The following SPATA24 variants were observed in gnomAD, a reference collection of about 807,000 sequenced individuals.
The protein encoded by SPATA24 is spermatogenesis-associated protein 24.
A neutral mutation model predicts 28.9 loss-of-function variants in SPATA24; 21 were observed. That is an observed-to-expected ratio of 0.73 (90% CI 0.52 to 1.05). The LOEUF is 1.05. SPATA24 is among the 50% of genes least tolerant of loss of function. SPATA24 has a pLI of 0.00. For synonymous variants in SPATA24, 76 were observed against 89.9 expected (o/e 0.85, Z 0.88); for missense variants, 215 against 242.9 (o/e 0.88, Z 0.76).
Position 139,402,332 on chromosome 5 carries a change from A to G in SPATA24, c.184-287T>C, listed in dbSNP as rs568218222. Among the ~76,000 whole-genome samples, 4 of 151,582 alleles carry G rather than the reference A, an allele frequency of 2.6e-5. No individual in the cohort carries two copies. In the East Asian group the frequency reaches 7.8e-4, roughly 29 times the overall value. ...GGGTTCAAGCCAATTCTCCTGTCTC[A>G]GCCTCCCAAGTAGCTGGGATTACAG... On this transcript the variant is annotated intron_variant, in intron 2 of 5. Transcript: ENST00000450845.
chr5:139,396,506 G>A, downstream of SPATA24: 1 of 1,230,320 alleles, frequency 8.1e-7, no homozygotes, highest in African/African-American at 1.5e-5. Flanking sequence ...AGGGCTTCCG[G>A]CCCTGTAGTC....
At chr5:139,395,341 A>AG (rs2152077292), downstream of SPATA24, 1 of 388,724 alleles carries the variant, frequency 2.6e-6, no homozygotes, top group South Asian at 9.1e-5. Context: ...GCTGACAGGC[A>AG]GGTGAGGGAA....
At chr5:139,394,527 C>T (rs1317822055), downstream of SPATA24, 1 of 1,467,588 alleles carries the variant, frequency 6.8e-7, no homozygotes, top group African/African-American at 1.5e-5. Flanking sequence ...CACACTCGAA[C>T]TGCGCTGGGG....
chr5:139,395,145 T>TCCCCGCCCCGC, downstream of SPATA24: 1 of 1,348,910 alleles, frequency 7.4e-7, no homozygotes, highest in Non-Finnish European at 9.6e-7. Context: ...GCCGGCACTG[T>TCCCCGCCCCGC]CCCCGCCCCG....
At position 139,396,891 on chromosome 5, in the gene SPATA24, T is replaced by G; in HGVS notation, c.527A>C (p.Glu176Ala). 5.8e-6 allele frequency: 9 copies of G among 1,551,706 alleles called. No individual in the cohort carries two copies. Among genetic ancestry groups the G allele is most frequent in the Non-Finnish European group, 7.8e-6 (9 of 1,146,992 alleles). ...GTCCAGCACCTGGGCCATGTAGCTC[T>G]CCTGCTGCTTCTGGATCCGGAAGTC... is the stretch of plus-strand genomic sequence containing the variant. ...MSDFRIQKQQESYMAQVLDQK... is the reference protein window; with the variant it reads ...MSDFRIQKQQASYMAQVLDQK... The change falls in exon 6 of 6, where the codon GAG becomes GCG. Residue 176 changes from glutamate to alanine, a missense_variant. Glu to Ala is a moderately radical substitution (Grantham distance 107). Coordinates refer to ENST00000450845, the MANE Select transcript of SPATA24 (RefSeq NM_194296.2).
downstream of SPATA24, chr5:139,393,016 G>C (rs946487506): frequency 2.0e-6 from 3 of 1,522,678 alleles, no homozygotes; most frequent in Non-Finnish European, 2.6e-6. Context: ...CGGCACCACC[G>C]GTAGAAAATC....
chr5:139,397,742 AT>A (rs1758742902), intron 4 of SPATA24, among the ~76,000 whole-genome samples: 1 of 151,952 alleles, frequency 6.6e-6, no homozygotes, highest in South Asian at 2.1e-4. Flanking sequence ...TTTAGTAGAG[AT>A]GGGGTTTCAC....
chr5:139,393,045 G>A (rs1043497933), downstream of SPATA24: 1 of 1,533,216 alleles, frequency 6.5e-7, no homozygotes, highest in Non-Finnish European at 8.8e-7. Context: ...AAACGGAAGT[G>A]TAGTGAGCCG....
At chr5:139,392,769 G>T (rs1380788254), downstream of SPATA24, 2 of 1,440,098 alleles carry the variant, frequency 1.4e-6, no homozygotes, top group African/African-American at 1.5e-5. This position sits in a 1 kb window ranked among gnomAD's most constrained non-coding sequence, Gnocchi z 5.8. Context: ...GACCGTCGCC[G>T]TCGGGGACCA....
At position 139,399,023 on chromosome 5, in the gene SPATA24, CA is replaced by C. The variant is rs1207151100; in HGVS notation, c.386-1881del. ...TGGGTGACAGAGCGAGATTCCGCTT[CA>C]AAAAAAAAAAAGGCCAGGCGTGGTG... On this transcript the variant is annotated intron_variant, in intron 4 of 5. Transcript: ENST00000450845. 3.9e-3 allele frequency among the ~76,000 whole-genome samples: 164 copies of C among 41,896 alleles called. 1 individual carries two copies. Among genetic ancestry groups the C allele is most frequent in the Admixed American group, 4.0e-3 (14 of 3,526 alleles). The allele number at this position is 41,896 out of a possible 152,430, so 27.5% of individuals were successfully genotyped here.
downstream of SPATA24, chr5:139,394,921 G>T (rs1301155288): frequency 3.3e-6 from 5 of 1,519,174 alleles, no homozygotes; most frequent in African/African-American, 1.4e-5. Context: ...GGGCCAATTC[G>T]CTGGGCCTTT....
chr5:139,400,741 C>T (rs959434590), intron 4 of SPATA24, among the ~76,000 whole-genome samples: 2 of 152,212 alleles, frequency 1.3e-5, no homozygotes, highest in South Asian at 2.1e-4. Flanking sequence ...AAGTGGCCCC[C>T]AGGCATCTGC....
chr5:139,392,572 C>A (rs1467879220), downstream of SPATA24: 6 of 1,354,980 alleles, frequency 4.4e-6, no homozygotes, highest in East Asian at 1.8e-4. The surrounding 1 kb of genome is among the most constrained non-coding windows in gnomAD (Gnocchi z 5.8). Context: ...CAGGGGCTCC[C>A]GCGGGAGTGG....
At chr5:139,393,995 G>A (rs1168387679), downstream of SPATA24, 5 of 1,550,578 alleles carry the variant, frequency 3.2e-6, no homozygotes, top group South Asian at 1.2e-5. Context: ...GTTCGATCCG[G>A]CGCCTCTCGC....
intron 1 of SPATA24, 25 bp downstream of exon 1, chr5:139,403,919 T>G: frequency 6.5e-7 from 1 of 1,541,192 alleles, no homozygotes; most frequent in Non-Finnish European, 8.8e-7. Context: ...GCCCCGCCTC[T>G]CCCCAAACTC....
downstream of SPATA24, chr5:139,394,946 C>T (rs1490516623): frequency 1.3e-6 from 2 of 1,520,904 alleles, no homozygotes. Context: ...TCCGGCCCAA[C>T]GTCCGGGGGC....
chr5:139,399,187 G>T (rs1758772466), intron 4 of SPATA24, among the ~76,000 whole-genome samples: 1 of 151,716 alleles, frequency 6.6e-6, no homozygotes, highest in South Asian at 2.1e-4. Flanking sequence ...TGTGGTGGCG[G>T]GCACCTATAG....
At chr5:139,396,546 T>C (rs1159668240), downstream of SPATA24, 1 of 1,307,306 alleles carries the variant, frequency 7.6e-7, no homozygotes, top group Non-Finnish European at 9.8e-7. Flanking sequence ...ACCAGGACAC[T>C]GGGAGTGGGG....
In SPATA24 at chr5:139,401,825, C is replaced by T. The variant is rs1758828764; in HGVS notation, c.315G>A (p.Ala105=). The T allele has an allele frequency of 6.5e-7, 1 of 1,549,816 alleles. No homozygotes were observed. The highest frequency in any genetic ancestry group is 2.0e-5 in the Admixed American group (1 of 50,912). The stretch of plus-strand genomic sequence containing the variant: ...GGACTTTGCTCTTGACACTGGAGAG[C>T]CTGGGTGGGGAAGATAAGATGGGAG... The part of the protein sequence containing the change: ...LEKEKLAFEK[A]LSSVKSKVLQ... Residue 105 remains alanine (A), a splice_region_variant and synonymous_variant, in exon 4 of 6, where the codon GCG becomes GCA. Transcript: ENST00000450845.
Sources: allele counts gnomAD v4.1 joint callset (sites outside exome capture counted in the v4.1 genomes callset), GRCh38; gene constraint gnomAD v4.1.1; non-coding constraint Gnocchi (gnomAD v3.1); transcripts MANE v1.5; gene names NCBI Gene and HGNC (gene_info 2026-07-23, HGNC 2026-07-21).